Variants in PPARGC1B observed in about 807,000 individuals in gnomAD.
PPARGC1B encodes the protein PPARG coactivator 1 beta.
A neutral mutation model predicts 101.6 loss-of-function variants in PPARGC1B; 34 were observed. That is an observed-to-expected ratio of 0.33 (90% CI 0.25 to 0.45). The LOEUF (loss-of-function observed/expected upper bound fraction) is 0.45, where lower values mean the gene tolerates loss of function less well. Among genes scored for constraint, PPARGC1B ranks in the 20% least tolerant of loss-of-function variants. The pLI, the probability that PPARGC1B is intolerant of heterozygous loss-of-function variation, is 1.00. For missense variants in PPARGC1B, 1,234 were observed against 1,317.6 expected, an observed-to-expected ratio of 0.94 and a Z score of 0.98; for synonymous variants, 548 against 539.3, an observed-to-expected ratio of 1.02 and a Z score of -0.22.
chr5:149,769,414 T>C (rs1417907167), intron 1 of PPARGC1B, among the ~76,000 whole-genome samples: 1 of 152,196 alleles, frequency 6.6e-6, no homozygotes, highest in African/African-American at 2.4e-5. Flanking sequence ...ACAATGGCAA[T>C]GTGATATGCT....
At chr5:149,827,495 T>C (rs1328145968) in intron 3 of PPARGC1B, among the ~76,000 whole-genome samples, 2 of 152,262 alleles carry the variant, frequency 1.3e-5, no homozygotes, top group African/African-American at 4.8e-5. Flanking sequence ...CTGGTTCCCC[T>C]GTTGGGTATT....
At chr5:149,755,630 A>G (rs1218522111) in intron 1 of PPARGC1B, among the ~76,000 whole-genome samples, 1 of 142,012 alleles carries the variant, frequency 7.0e-6, no homozygotes, top group Non-Finnish European at 1.5e-5. Context: ...TATTATTATT[A>G]TTATTATTAT....
intron 1 of PPARGC1B, among the ~76,000 whole-genome samples, chr5:149,778,167 G>A: frequency 6.6e-6 from 1 of 150,616 alleles, no homozygotes; most frequent in Non-Finnish European, 1.5e-5. Flanking sequence ...CACACACAGA[G>A]TACCTGGCTG....
In PPARGC1B at chr5:149,730,512, G is replaced by A. The variant is rs1754410659; in HGVS notation, c.78+92G>A. ...CGCGGAGGCCGGGAGGCAGCGGTGGGAGCCCTGGGGTAACTGGGGGTTCCA... is the reference window on the plus strand; with the variant it reads ...CGCGGAGGCCGGGAGGCAGCGGTGGAAGCCCTGGGGTAACTGGGGGTTCCA... On this transcript the variant is annotated intron_variant, in intron 1 of 11. Transcript: ENST00000309241. The surrounding 1 kb of genome is among the most constrained non-coding windows in gnomAD (Gnocchi z 4.0). The A allele has an allele frequency of 8.6e-6, 9 of 1,043,398 alleles. No homozygotes were observed. Among genetic ancestry groups the A allele is most frequent in the African/African-American group, 6.8e-5 (4 of 59,206 alleles). The allele number at this position is 1,043,398 out of a possible 1,614,324, so 64.6% of individuals were successfully genotyped here.
At chr5:149,829,434 A>G (rs947982100) in intron 3 of PPARGC1B, among the ~76,000 whole-genome samples, 2 of 152,124 alleles carry the variant, frequency 1.3e-5, no homozygotes, top group Non-Finnish European at 2.9e-5. Context: ...TGGCTCCTCA[A>G]GAGTGTGGAG....
chr5:149,833,922 T>A lies in PPARGC1B; in HGVS notation c.1705+144T>A. 1 of 1,262,986 alleles carries A rather than the reference T, an allele frequency of 7.9e-7. No individual in the cohort carries two copies. The highest frequency in any genetic ancestry group is 1.0e-6 in the Non-Finnish European group (1 of 983,736). 78.2% of individuals were successfully genotyped at this position (1,262,986 alleles called of 1,614,324 possible). A position where few individuals can be genotyped will look rare whatever the true frequency, so the allele number is the denominator to read the frequency against. The stretch of plus-strand genomic sequence containing the variant: ...GTTTGGACAAGTCCCTTCCCCTCCC[T>A]GGCTTTCAGCTTTTCTTTGGGCTAG... On this transcript the variant is annotated intron_variant, in intron 5 of 11. Transcript: ENST00000309241. This position sits in a 1 kb window ranked among gnomAD's most constrained non-coding sequence, Gnocchi z 4.1.
At chr5:149,767,771 C>G (rs938689499) in intron 1 of PPARGC1B, among the ~76,000 whole-genome samples, 8 of 152,012 alleles carry the variant, frequency 5.3e-5, no homozygotes, top group African/African-American at 1.5e-4. Flanking sequence ...CCAGCGGTCT[C>G]CAACTTTTTT....
At chr5:149,828,598 G>GC (rs1029047305) in intron 3 of PPARGC1B, among the ~76,000 whole-genome samples, 2 of 152,188 alleles carry the variant, frequency 1.3e-5, no homozygotes, top group Non-Finnish European at 2.9e-5. Flanking sequence ...GAGGCAAAGC[G>GC]CGACCCCTGC....
rs527743982 is a variant in PPARGC1B, at chr5:149,740,359, C to A, written c.78+9939C>A. Among the ~76,000 whole-genome samples, 20 of 152,282 alleles carry A rather than the reference C, an allele frequency of 1.3e-4. No homozygotes were observed. The East Asian group carries it at 3.7e-3, about 28-fold the overall frequency. ...TTCAGAAATGCTCAATGAGTAGTAACCCTTGTTATTATGAAAAGGGGACAC... is the reference window on the plus strand; with the variant it reads ...TTCAGAAATGCTCAATGAGTAGTAAACCTTGTTATTATGAAAAGGGGACAC... On this transcript the variant is annotated intron_variant, in intron 1 of 11. Transcript: ENST00000309241.
chr5:149,807,146 T>C (rs1468254397), intron 1 of PPARGC1B, among the ~76,000 whole-genome samples: 1 of 151,912 alleles, frequency 6.6e-6, no homozygotes, highest in Non-Finnish European at 1.5e-5. Flanking sequence ...TTTTTTTTTT[T>C]TTAGAGACAG....
At chr5:149,823,049 A>G (rs1213298445) in intron 2 of PPARGC1B, among the ~76,000 whole-genome samples, 2 of 152,258 alleles carry the variant, frequency 1.3e-5, no homozygotes, top group Non-Finnish European at 2.9e-5. Flanking sequence ...CCTCAGGGAC[A>G]GGGACGTTGC....
chr5:149,825,946 C>T lies in PPARGC1B; in HGVS notation c.253-727C>T, dbSNP rs530869067. 3.9e-5 allele frequency among the ~76,000 whole-genome samples: 6 copies of T among 152,294 alleles called. No homozygotes were observed. In the South Asian group the frequency reaches 1.0e-3, roughly 26 times the overall value. On this transcript the variant is annotated intron_variant, in intron 2 of 11. Coordinates refer to ENST00000309241, the MANE Select transcript of PPARGC1B (RefSeq NM_133263.4). The stretch of plus-strand genomic sequence containing the variant: ...AGTGCTTTTATTTTGTGCCAGGCAC[C>T]ATTTTCTAAGCATCTTACCTAAGTT...
In PPARGC1B at chr5:149,832,475, C is replaced by T. The variant is rs1758831584; in HGVS notation, c.583-181C>T. Among the ~76,000 whole-genome samples the T allele has an allele frequency of 6.6e-6, 1 of 152,126 alleles. No individual in the cohort carries two copies. The highest frequency in any genetic ancestry group is 2.4e-5 in the African/African-American group (1 of 41,412). ...GGAGGCTGGTCTTTCCTTCATTCCT[C>T]ATCCACTGAGCACAGCCAGGTGCCC... On this transcript the variant is annotated intron_variant, in intron 4 of 11. Transcript: ENST00000309241. This position sits in a 1 kb window ranked among gnomAD's most constrained non-coding sequence, Gnocchi z 4.9.
At chr5:149,756,478 C>T (rs1036901923) in intron 1 of PPARGC1B, among the ~76,000 whole-genome samples, 1 of 152,152 alleles carries the variant, frequency 6.6e-6, no homozygotes, top group Non-Finnish European at 1.5e-5. Flanking sequence ...AACAAAAAAC[C>T]AAAACAACAA....
intron 1 of PPARGC1B, chr5:149,817,597 T>C (rs1758109601): frequency 2.6e-6 from 1 of 391,094 alleles, no homozygotes. Context: ...TTTACATGTT[T>C]TCTTCCCTCA....
intron 2 of PPARGC1B, among the ~76,000 whole-genome samples, chr5:149,820,857 C>T (rs1020202926): frequency 2.0e-5 from 3 of 152,296 alleles, no homozygotes; most frequent in Non-Finnish European, 2.9e-5. Context: ...CTAGGCCTCC[C>T]GAGCAGAACC....
Position 149,853,339 on chromosome 5 carries a change from G to GTGCA in PPARGC1B, c.*5782_*5785dup, listed in dbSNP as rs778585400. On this transcript the variant is annotated 3_prime_UTR_variant, in exon 12 of 12. Transcript: ENST00000309241. The surrounding 1 kb of genome is among the most constrained non-coding windows in gnomAD (Gnocchi z 4.2). ...GAACTGCCTTTGTGTTCAGAGATCA[G>GTGCA]TGCAACACTAGGGTCAGAAGACTCC... is the stretch of plus-strand genomic sequence containing the variant. 1 of 152,254 alleles carries GTGCA rather than the reference G, an allele frequency of 6.6e-6. No individual in the cohort carries two copies. The highest frequency in any genetic ancestry group is 2.4e-5 in the African/African-American group (1 of 41,462). 9.4% of individuals were successfully genotyped at this position (152,254 alleles called of 1,614,324 possible). A position where few individuals can be genotyped will look rare whatever the true frequency, so the allele number is the denominator to read the frequency against.
intron 5 of PPARGC1B, among the ~76,000 whole-genome samples, chr5:149,834,341 A>T (rs1407136302): frequency 6.6e-6 from 1 of 152,220 alleles, no homozygotes; most frequent in Non-Finnish European, 1.5e-5. Context: ...CTACTTAATG[A>T]TGAGCCCTAT....
intron 1 of PPARGC1B, among the ~76,000 whole-genome samples, chr5:149,783,089 TAAAG>T (rs966668336): frequency 1.2e-5 from 1 of 81,440 alleles, no homozygotes; most frequent in Non-Finnish European, 2.3e-5. Flanking sequence ...GAATGAGAGA[TAAAG>T]AGAGAGAGAG....
Sources: gnomAD v4.1 joint callset for allele counts (sites outside exome capture counted in the v4.1 genomes callset) on GRCh38, gnomAD v4.1.1 for gene constraint, Gnocchi (gnomAD v3.1) non-coding constraint, MANE v1.5 for transcripts, NCBI Gene and HGNC (gene_info 2026-07-23, HGNC 2026-07-21) for gene names.